Variants in NOL9 observed in about 807,000 individuals in gnomAD.
The protein encoded by NOL9 is nucleolar protein 9, also known as polynucleotide 5'-hydroxyl-kinase NOL9.
In NOL9, 28 loss-of-function variants were observed where a neutral mutation model predicts 67.9. That is an observed-to-expected ratio of 0.41 (90% CI 0.31 to 0.57). The LOEUF is 0.57. Ranked by LOEUF, NOL9 falls within the 20% of genes least tolerant of loss-of-function variation. The pLI, the probability that NOL9 is intolerant of heterozygous loss-of-function variation, is 0.25. For synonymous variants in NOL9, 356 were observed against 352.2 expected, an observed-to-expected ratio of 1.01 and a Z score of -0.12; for missense variants, 777 against 897.0, an observed-to-expected ratio of 0.87 and a Z score of 1.71.
chr1:6,548,336 G>A, intron 3 of NOL9: 1 of 163,634 alleles, frequency 6.1e-6, no homozygotes, highest in Non-Finnish European at 1.3e-5. Context: ...TAGTAGAGAT[G>A]GGGTTTTGCC....
At chr1:6,527,044 G>C (rs1440190545) in intron 10 of NOL9, among the ~76,000 whole-genome samples, 1 of 152,058 alleles carries the variant, frequency 6.6e-6, no homozygotes, top group Non-Finnish European at 1.5e-5. Flanking sequence ...TCAGGAGTTC[G>C]AGACCAGCTT....
At chr1:6,553,632 G>A (rs1204327200) in intron 1 of NOL9, among the ~76,000 whole-genome samples, 1 of 151,876 alleles carries the variant, frequency 6.6e-6, no homozygotes, top group Admixed American at 6.6e-5. Flanking sequence ...ACAAGGTCAG[G>A]AGATCGAGAC....
In NOL9 at chr1:6,525,812, T is replaced by G. The variant is rs748311935; in HGVS notation, c.*42A>C. On this transcript the variant is annotated 3_prime_UTR_variant, in exon 12 of 12. Transcript: ENST00000377705. The stretch of plus-strand genomic sequence containing the variant: ...CTTGTGGTCAGGCTTGAGACAAAGC[T>G]TTCTGGTAGGAAAGTTTCTTCCCTT... The G allele has an allele frequency of 1.2e-6, 2 of 1,610,460 alleles. No individual in the cohort carries two copies. Among genetic ancestry groups the G allele is most frequent in the Non-Finnish European group, 1.7e-6 (2 of 1,177,316 alleles).
At position 6,554,456 on chromosome 1, in the gene NOL9, G is replaced by C. The variant is rs1254080578; in HGVS notation, c.47C>G (p.Thr16Ser). 1.9e-6 allele frequency: 3 copies of C among 1,551,574 alleles called. No individual in the cohort carries two copies. In the African/African-American group the frequency reaches 4.2e-5, roughly 22 times the overall value. The stretch of plus-strand genomic sequence containing the variant: ...CCGGGCCTTGCGGACCCGCAGCCAA[G>C]TGGAACGGCAGGAACCCCGCTTTAG... ...LLLKRGSCRS[T>S]WLRVRKARPQ... The change falls in exon 1 of 12, where the codon ACT becomes AGT. Residue 16 changes from threonine to serine, a missense_variant. By Grantham distance (58) the Thr-to-Ser change is moderately conservative (BLOSUM62 1). Coordinates refer to ENST00000377705, the MANE Select transcript of NOL9 (RefSeq NM_024654.5).
chr1:6,547,165 G>T (rs1297270244), intron 3 of NOL9, among the ~76,000 whole-genome samples: 2 of 152,170 alleles, frequency 1.3e-5, no homozygotes, highest in African/African-American at 4.8e-5. Flanking sequence ...AACTCCATCA[G>T]CATTATTATC....
chr1:6,532,792 C>G (rs778637259), intron 7 of NOL9, 32 bp from the exon 8 acceptor site: 2 of 1,570,450 alleles, frequency 1.3e-6, no homozygotes, highest in Non-Finnish European at 8.7e-7. Context: ...ACAGCTGATA[C>G]ACTCAAGAAC....
chr1:6,542,616 C>G (rs564071455), intron 5 of NOL9, among the ~76,000 whole-genome samples: 1 of 151,866 alleles, frequency 6.6e-6, no homozygotes, highest in Admixed American at 6.6e-5. Context: ...TGCCACCACG[C>G]CCGGCTAATT....
At chr1:6,538,785 C>T (rs1639211686) in intron 6 of NOL9, among the ~76,000 whole-genome samples, 1 of 152,136 alleles carries the variant, frequency 6.6e-6, no homozygotes, top group African/African-American at 2.4e-5. Flanking sequence ...GAGTTCGAGA[C>T]CAGCCTGGCC....
chr1:6,549,783 C>T (rs1271928454), intron 2 of NOL9, 85 bp from the exon 3 acceptor site: 27 of 1,535,478 alleles, frequency 1.8e-5, no homozygotes, highest in Non-Finnish European at 2.0e-5. Context: ...CTCGGCTAAA[C>T]TATAAACATT....
chr1:6,554,283 C>A lies in NOL9; in HGVS notation c.220G>T (p.Ala74Ser). The change falls in exon 1 of 12, where the codon GCG becomes TCG. Residue 74 changes from alanine to serine, a missense_variant. Coordinates refer to ENST00000377705, the MANE Select transcript of NOL9 (RefSeq NM_024654.5). The stretch of plus-strand genomic sequence containing the variant: ...GTCGCGGTGTTGGGTCTCCGGGCCG[C>A]CGCCGCGCGCGACACCTGGCGGGCT... ...EGARQVSRAA[A>S]ARRPNTATPS... 6.8e-7 allele frequency: 1 copy of A among 1,473,288 alleles called. No homozygotes were observed. Among genetic ancestry groups the A allele is most frequent in the Non-Finnish European group, 9.0e-7 (1 of 1,114,910 alleles). 91.3% of individuals were successfully genotyped at this position (1,473,288 alleles called of 1,614,324 possible).
Position 6,525,730 on chromosome 1 carries a change from A to G in NOL9, c.*124T>C. The stretch of plus-strand genomic sequence containing the variant: ...ACTATATGACATTCACGAATTACAC[A>G]AAAAACACTGTTGCTAATAAGGGCA... On this transcript the variant is annotated 3_prime_UTR_variant, in exon 12 of 12. Coordinates refer to ENST00000377705, the MANE Select transcript of NOL9 (RefSeq NM_024654.5). The G allele has an allele frequency of 9.9e-7, 1 of 1,008,418 alleles. No homozygotes were observed. The highest frequency in any genetic ancestry group is 2.4e-5 in the East Asian group (1 of 42,014). 62.5% of individuals were successfully genotyped at this position (1,008,418 alleles called of 1,614,324 possible). A position where few individuals can be genotyped will look rare whatever the true frequency, so the allele number is the denominator to read the frequency against.
chr1:6,554,224 G>A lies in NOL9; in HGVS notation c.279C>T (p.Ser93=), dbSNP rs1397873645. The change falls in exon 1 of 12, where the codon TCC becomes TCT. Residue 93 remains serine (S), a synonymous_variant. Coordinates refer to ENST00000377705, the MANE Select transcript of NOL9 (RefSeq NM_024654.5). The part of the protein sequence containing the change: ...PSPIPSPTPA[S]EPESEPELES... ...CGAGTTCGGGTTCGGACTCGGGTTCGGAGGCCGGGGTCGGGCTAGGGATCG... is the reference window on the plus strand; with the variant it reads ...CGAGTTCGGGTTCGGACTCGGGTTCAGAGGCCGGGGTCGGGCTAGGGATCG... The A allele has an allele frequency of 2.0e-6, 3 of 1,514,974 alleles. No individual in the cohort carries two copies. Among genetic ancestry groups the A allele is most frequent in the Non-Finnish European group, 2.7e-6 (3 of 1,130,864 alleles). 93.8% of individuals were successfully genotyped at this position (1,514,974 alleles called of 1,614,324 possible).
chr1:6,526,370 C>T (rs72862808), intron 11 of NOL9, among the ~76,000 whole-genome samples: 1,902 of 152,252 alleles, frequency 0.012, 49 homozygotes, highest in African/African-American at 0.042. Context: ...ACGCCTTGAC[C>T]TGGTCCCGTG....
chr1:6,554,471 C>G lies in NOL9; in HGVS notation c.32G>C (p.Gly11Ala). 6.5e-7 allele frequency: 1 copy of G among 1,549,802 alleles called. No individual in the cohort carries two copies. The highest frequency in any genetic ancestry group is 1.2e-5 in the South Asian group (1 of 86,346). The change falls in exon 1 of 12, where the codon GGT becomes GCT. Residue 11 changes from glycine to alanine, a missense_variant. Around this residue, in one of 2 missense-constraint regions of NOL9, gnomAD observed 364 missense variants for 344.4 expected, o/e 1.06. Transcript: ENST00000377705. MADSGLLLKRGSCRSTWLRVR... is the reference protein window; with the variant it reads MADSGLLLKRASCRSTWLRVR... ...CCGCAGCCAAGTGGAACGGCAGGAA[C>G]CCCGCTTTAGCAGCAGTCCCGAGTC...
chr1:6,544,733 C>T, intron 5 of NOL9, 93 bp downstream of exon 5: 1 of 1,317,096 alleles, frequency 7.6e-7, no homozygotes, highest in Non-Finnish European at 1.1e-6. Context: ...TAATCTCTAG[C>T]TAGAAGCCAA....
At chr1:6,533,671 C>T (rs1345759633) in intron 6 of NOL9, among the ~76,000 whole-genome samples, 1 of 152,204 alleles carries the variant, frequency 6.6e-6, no homozygotes, top group Admixed American at 6.5e-5. Flanking sequence ...CCAATTATGT[C>T]CTAACATGGC....
Position 6,534,756 on chromosome 1 carries a change from G to A in NOL9, c.1076-1315C>T, listed in dbSNP as rs574579504. Among the ~76,000 whole-genome samples the A allele has an allele frequency of 5.3e-5, 8 of 152,212 alleles. No individual in the cohort carries two copies. In the South Asian group the frequency reaches 1.2e-3, roughly 24 times the overall value. ...ACCCCTGGGGTGTTAAGCCAGAATCGGATGAGTCGGAAACTCATGGCTCTC... is the reference window on the plus strand; with the variant it reads ...ACCCCTGGGGTGTTAAGCCAGAATCAGATGAGTCGGAAACTCATGGCTCTC... On this transcript the variant is annotated intron_variant, in intron 6 of 11. Coordinates refer to ENST00000377705, the MANE Select transcript of NOL9 (RefSeq NM_024654.5).
chr1:6,524,909 T>C lies in NOL9; in HGVS notation c.*945A>G, dbSNP rs1282115798. On this transcript the variant is annotated 3_prime_UTR_variant, in exon 12 of 12. Coordinates refer to ENST00000377705, the MANE Select transcript of NOL9 (RefSeq NM_024654.5). Reference sequence around the variant, plus strand: ...CGCCCACCACCACGCCCAGCTAGTTTTTTGTATTTTTAGTAGAGACGGAGT... The same window carrying C: ...CGCCCACCACCACGCCCAGCTAGTTCTTTGTATTTTTAGTAGAGACGGAGT... The C allele has an allele frequency of 1.3e-5, 2 of 151,770 alleles. No homozygotes were observed. Among genetic ancestry groups the C allele is most frequent in the African/African-American group, 2.4e-5 (1 of 41,274 alleles). 9.4% of individuals were successfully genotyped at this position (151,770 alleles called of 1,614,324 possible).
rs1409191427 is a variant in NOL9 at position 6,554,513 on chromosome 1, C to G, written c.-11G>C. On this transcript the variant is annotated 5_prime_UTR_variant, in exon 1 of 12. Transcript: ENST00000377705. ...TCCCGAGTCCGCCATGCTGGGTCCT[C>G]AGGGCCTACCGCGCGAGAATCTCGC... is the stretch of plus-strand genomic sequence containing the variant. The G allele has an allele frequency of 2.0e-6, 3 of 1,513,576 alleles. No individual in the cohort carries two copies. Among genetic ancestry groups the G allele is most frequent in the South Asian group, 1.2e-5 (1 of 80,516 alleles). 93.8% of individuals were successfully genotyped at this position (1,513,576 alleles called of 1,614,324 possible). A position where few individuals can be genotyped will look rare whatever the true frequency, so the allele number is the denominator to read the frequency against.
Sources: allele counts gnomAD v4.1 joint callset (sites outside exome capture counted in the v4.1 genomes callset), GRCh38; gene constraint gnomAD v4.1.1; regional missense constraint gnomAD v4.1.1; transcripts MANE v1.5; gene names NCBI Gene and HGNC (gene_info 2026-07-23, HGNC 2026-07-21).